AR: variants seen among roughly 807,000 people sequenced by gnomAD.
The protein encoded by AR is dihydrotestosterone receptor.
A neutral mutation model predicts 53.9 loss-of-function variants in AR; 8 were observed. The ratio of observed to expected loss-of-function variants is 0.15; its 90% CI spans 0.09 to 0.27. The LOEUF (loss-of-function observed/expected upper bound fraction) is 0.27, where lower values mean the gene tolerates loss of function less well. AR is among the 10% of genes least tolerant of loss of function. AR has a pLI of 1.00. For synonymous variants in AR, 359 were observed against 316.4 expected, an observed-to-expected ratio of 1.13 and a Z score of -1.43; for missense variants, 639 against 742.5, an observed-to-expected ratio of 0.86 and a Z score of 1.62.
chrX:67,635,194 A>G (rs1925371756), intron 1 of AR, among the ~76,000 whole-genome samples: 2 of 111,710 alleles, frequency 1.8e-5, no homozygotes, highest in Non-Finnish European at 3.8e-5. Context: ...TGTGCCTACC[A>G]TGTGGCAGGC....
intron 2 of AR, among the ~76,000 whole-genome samples, chrX:67,671,772 G>C (rs191368693): frequency 8.9e-6 from 1 of 111,874 alleles, no homozygotes; most frequent in African/African-American, 3.3e-5. Context: ...AGTTAATTTT[G>C]TATAACGTGT....
intron 1 of AR, among the ~76,000 whole-genome samples, chrX:67,563,305 T>C (rs980549187): frequency 3.6e-5 from 4 of 112,052 alleles, no homozygotes; most frequent in African/African-American, 1.3e-4. Flanking sequence ...TTTTAAATAC[T>C]GGCTCTGGGT....
chrX:67,554,469 T>C (rs58327653), intron 1 of AR, among the ~76,000 whole-genome samples: 6,341 of 111,567 alleles, frequency 0.057, 461 homozygotes, highest in African/African-American at 0.2. Flanking sequence ...ATAAAATTCA[T>C]CTATACACAG....
chrX:67,567,483 C>T (rs1025393051), intron 1 of AR, among the ~76,000 whole-genome samples: 4 of 111,157 alleles, frequency 3.6e-5, no homozygotes, highest in African/African-American at 1.3e-4. Context: ...CCCTAGTCTC[C>T]GTGCAGAGAT....
intron 2 of AR, among the ~76,000 whole-genome samples, chrX:67,647,435 G>A (rs1926108791): frequency 8.9e-6 from 1 of 111,916 alleles, no homozygotes; most frequent in Non-Finnish European, 1.9e-5. Context: ...CAACTCATGT[G>A]GAATTGAATG....
chrX:67,711,515 G>A lies in AR; in HGVS notation c.1999G>A (p.Gly667Ser), dbSNP rs746143547. 4.1e-6 allele frequency: 5 copies of A among 1,209,856 alleles called. No individual in the cohort carries two copies. The highest frequency in any genetic ancestry group is 5.6e-6 in the Non-Finnish European group (5 of 895,239). ...GAAGCTGACAGTGTCACACATTGAA[G>A]GCTATGAATGTCAGCCCATCTTTCT... ...TQKLTVSHIE[G>S]YECQPIFLNV... The change falls in exon 4 of 8, where the codon GGC becomes AGC. Residue 667 changes from glycine to serine, a missense_variant. Transcript: ENST00000374690.
intron 3 of AR, chrX:67,689,785 T>G: frequency 1.3e-6 from 1 of 765,425 alleles, no homozygotes; most frequent in Non-Finnish European, 1.6e-6. Flanking sequence ...AAAGTCCAAA[T>G]GAGGACCTTC....
chrX:67,555,894 C>G (rs1478187099), intron 1 of AR, among the ~76,000 whole-genome samples: 1 of 112,623 alleles, frequency 8.9e-6, no homozygotes, highest in African/African-American at 3.2e-5. Flanking sequence ...TGAACCAGAA[C>G]TGCCTAGCAC....
In AR at chrX:67,725,621, A is replaced by AGAT. The variant is rs1274943905; in HGVS notation, c.*1782_*1784dup. 1 of 174,164 alleles carries AGAT rather than the reference A, an allele frequency of 5.7e-6. No individual in the cohort carries two copies. Among genetic ancestry groups the AGAT allele is most frequent in the East Asian group, 8.1e-5 (1 of 12,353 alleles). 14.4% of individuals were successfully genotyped at this position (174,164 alleles called of 1,213,427 possible). ...ATCTTCAGCGGCAAAGCCTAAAGCCAGATGGACACCATCTGGTGAGTTTAC... is the reference window on the plus strand; with the variant it reads ...ATCTTCAGCGGCAAAGCCTAAAGCCAGATGATGGACACCATCTGGTGAGTTTAC... On this transcript the variant is annotated 3_prime_UTR_variant, in exon 8 of 8. Transcript: ENST00000374690.
rs763038912 is a variant in AR at position 67,722,917 on chromosome X, G to A, written c.2540G>A (p.Arg847Lys). 5.0e-6 allele frequency: 6 copies of A among 1,211,358 alleles called. No homozygotes were observed. The Admixed American group carries it at 1.3e-4, about 26-fold the overall frequency. ...CTCGATCGTATCATTGCATGCAAAA[G>A]AAAAAATCCCACATCCTGCTCAAGA... Reference protein sequence around the residue: ...KELDRIIACKRKNPTSCSRRF... With the variant: ...KELDRIIACKKKNPTSCSRRF... The change falls in exon 7 of 8, where the codon AGA becomes AAA. Residue 847 changes from arginine to lysine, a missense_variant. Arg to Lys is a conservative substitution (Grantham distance 26). This residue lies in a region of AR where 95 missense variants were observed against 196.4 expected (regional missense o/e 0.48). Coordinates refer to ENST00000374690, the MANE Select transcript of AR (RefSeq NM_000044.6).
intron 1 of AR, among the ~76,000 whole-genome samples, chrX:67,555,157 A>T (rs1172204479): frequency 1.8e-5 from 2 of 110,770 alleles, no homozygotes; most frequent in African/African-American, 6.6e-5. Flanking sequence ...GAGATCCTGG[A>T]TTGTACGGTA....
intron 2 of AR, among the ~76,000 whole-genome samples, chrX:67,647,992 G>A (rs1255678058): frequency 8.9e-6 from 1 of 112,070 alleles, no homozygotes; most frequent in Non-Finnish European, 1.9e-5. Flanking sequence ...AAAAACAGAT[G>A]GTAGAGTGGA....
At chrX:67,644,478 C>A (rs1327612468) in intron 2 of AR, among the ~76,000 whole-genome samples, 1 of 111,995 alleles carries the variant, frequency 8.9e-6, no homozygotes, top group Admixed American at 9.5e-5. Flanking sequence ...TCTATAAGAG[C>A]TATAAACCTT....
intron 5 of AR, among the ~76,000 whole-genome samples, chrX:67,721,385 G>A (rs2076135037): frequency 8.9e-6 from 1 of 112,148 alleles, no homozygotes; most frequent in Admixed American, 9.4e-5. Flanking sequence ...GATGTTAAGA[G>A]CTGACTACTG....
chrX:67,640,410 G>A (rs933681146), intron 1 of AR, among the ~76,000 whole-genome samples: 6 of 111,415 alleles, frequency 5.4e-5, no homozygotes, highest in Non-Finnish European at 7.5e-5. Flanking sequence ...GCTCCTCTTT[G>A]TACATCTGGT....
At chrX:67,634,128 G>A (rs1925310872) in intron 1 of AR, among the ~76,000 whole-genome samples, 1 of 111,497 alleles carries the variant, frequency 9.0e-6, no homozygotes. Flanking sequence ...AGAATAGTGG[G>A]AAAATATGGA....
At chrX:67,664,235 C>T (rs1255873474) in intron 2 of AR, among the ~76,000 whole-genome samples, 2 of 111,514 alleles carry the variant, frequency 1.8e-5, no homozygotes, top group Admixed American at 9.5e-5. Flanking sequence ...TCTGTTTTTT[C>T]CCCATCTTTG....
intron 2 of AR, among the ~76,000 whole-genome samples, chrX:67,655,871 C>T (rs765985496): frequency 8.9e-6 from 1 of 112,444 alleles, no homozygotes; most frequent in East Asian, 2.8e-4. Context: ...AAATCAGTCC[C>T]TCATCAAATT....
At chrX:67,594,837 T>G (rs1442042133) in intron 1 of AR, among the ~76,000 whole-genome samples, 1 of 111,342 alleles carries the variant, frequency 9.0e-6, no homozygotes. Flanking sequence ...TAGTCCCAGC[T>G]ACTCAGGAGG....
Sources: allele counts gnomAD v4.1 joint callset (sites outside exome capture counted in the v4.1 genomes callset), GRCh38; gene constraint gnomAD v4.1.1; regional missense constraint gnomAD v4.1.1; transcripts MANE v1.5; gene names NCBI Gene and HGNC (gene_info 2026-07-23, HGNC 2026-07-21).